UTP25: variants seen among roughly 807,000 people sequenced by gnomAD.
UTP25 encodes the protein UTP25 small subunit processome component.
A neutral mutation model predicts 78.9 loss-of-function variants in UTP25; 50 were observed. The ratio of observed to expected loss-of-function variants is 0.63; its 90% confidence interval spans 0.50 to 0.80. The LOEUF is 0.80. Among genes scored for constraint, UTP25 ranks in the 30% least tolerant of loss-of-function variants. The probability of loss-of-function intolerance (pLI) is 0.00; values close to 1 mark genes in which losing one functional copy is unlikely to be tolerated. For synonymous variants in UTP25, 329 were observed against 336.5 expected (o/e 0.98, Z 0.24); for missense variants, 846 against 911.3 (o/e 0.93, Z 0.92).
chr1:209,851,023 AAAG>A (rs2078234499), intron 11 of UTP25, among the ~76,000 whole-genome samples, 178 bp from the exon 12 acceptor site: 1 of 152,242 alleles, frequency 6.6e-6, no homozygotes, highest in East Asian at 1.9e-4. Context: ...GTTGTCATAA[AAAG>A]AATTCAAATA....
chr1:209,836,296 TCC>T (rs1348578491), intron 5 of UTP25, among the ~76,000 whole-genome samples: 2 of 152,208 alleles, frequency 1.3e-5, no homozygotes, highest in African/African-American at 4.8e-5. Flanking sequence ...TAAACTTGTA[TCC>T]CACAAAATAG....
Position 209,836,882 on chromosome 1 carries a change from A to T in UTP25, c.733A>T (p.Lys245Ter). The change falls in exon 6 of 12, where the codon AAG becomes TAG. Residue 245 changes from lysine (K) to a stop codon, truncating the protein, a stop_gained. Transcript: ENST00000491415. LOFTEE classifies it high-confidence loss of function. Reference protein sequence around the residue: ...TFKPPKDIDLKSLHLQKPLES... With the variant: ...TFKPPKDIDL ...TAAACCCCCAAAGGATATTGACTTA[A>T]AGTCACTTCATCTCCAGAAGCCTCT... is the stretch of plus-strand genomic sequence containing the variant. 1 of 1,614,108 alleles carries T rather than the reference A, an allele frequency of 6.2e-7. No homozygotes were observed. The highest frequency in any genetic ancestry group is 8.5e-7 in the Non-Finnish European group (1 of 1,180,016).
At chr1:209,846,508 G>A (rs2078197510) in intron 11 of UTP25, among the ~76,000 whole-genome samples, 1 of 152,176 alleles carries the variant, frequency 6.6e-6, no homozygotes. Context: ...CCCTACAGGA[G>A]AATCCCAGTT....
chr1:209,841,184 C>A, intron 8 of UTP25, 129 bp downstream of exon 8: 1 of 927,894 alleles, frequency 1.1e-6, no homozygotes, highest in Non-Finnish European at 1.6e-6. Flanking sequence ...AGGACACACA[C>A]TCCACATTTT....
Position 209,851,426 on chromosome 1 carries a change from C to A in UTP25, c.2250C>A (p.Leu750=), listed in dbSNP as rs762645168. 1.9e-6 allele frequency: 3 copies of A among 1,605,916 alleles called. No individual in the cohort carries two copies. In the African/African-American group the frequency reaches 4.0e-5, roughly 22 times the overall value. The change falls in exon 12 of 12, where the codon CTC becomes CTA. Residue 750 remains leucine (L), a synonymous_variant. Coordinates refer to ENST00000491415, the MANE Select transcript of UTP25 (RefSeq NM_014388.7). ...QMLQSNKNVH[L]FITGEK ...TACAGTCCAACAAGAATGTCCACCT[C>A]TTCATTACTGGAGAAAAATGAAATT...
chr1:209,828,133 C>A lies in UTP25; in HGVS notation c.70C>A (p.Leu24Ile). 6.2e-7 allele frequency: 1 copy of A among 1,614,156 alleles called. No homozygotes were observed. The highest frequency in any genetic ancestry group is 8.5e-7 in the Non-Finnish European group (1 of 1,180,014). The change falls in exon 1 of 12, where the codon CTT (leucine) becomes ATT (isoleucine). Residue 24 changes from leucine (L) to isoleucine (I), a missense_variant. Transcript: ENST00000491415. ...NTLTKKQKKH[L>I]RDFGEEHPFY... ...CCTAACTAAAAAGCAGAAGAAACAT[C>A]TTCGAGATTTCGGCGAGGAGCATCC...
chr1:209,828,068 G>T lies in UTP25; in HGVS notation c.5G>T (p.Gly2Val). Reference protein sequence around the residue: MGKRGSRSQSQL... With the variant: MVKRGSRSQSQL... Reference sequence around the variant, plus strand: ...GGCAAACTTGACGTTTTCGCTATGGGCAAACGCGGGAGCCGGAGCCAGAGC... The same window carrying T: ...GGCAAACTTGACGTTTTCGCTATGGTCAAACGCGGGAGCCGGAGCCAGAGC... The change falls in exon 1 of 12, where the codon GGC (glycine) becomes GTC (valine). Residue 2 changes from glycine to valine, a missense_variant. Transcript: ENST00000491415. 6.2e-7 allele frequency: 1 copy of T among 1,613,918 alleles called. No individual in the cohort carries two copies. The highest frequency in any genetic ancestry group is 8.5e-7 in the Non-Finnish European group (1 of 1,179,812).
intron 11 of UTP25, 195 bp downstream of exon 11, chr1:209,843,891 C>G (rs1041143696): frequency 1.4e-6 from 1 of 691,012 alleles, no homozygotes; most frequent in Non-Finnish European, 2.4e-6. Flanking sequence ...CCAAAATGGG[C>G]ATTGCTGAAG....
At position 209,842,638 on chromosome 1, in the gene UTP25, T is replaced by TC. The variant is rs1195653196; in HGVS notation, c.1727dup (p.His577ThrfsTer9). The stretch of plus-strand genomic sequence containing the variant: ...TCTATCAGTCATGTCCTGGTGCAGC[T>TC]CCCACATGTCTTCCAGAGGATGGAA... On this transcript the variant is annotated frameshift_variant, in exon 10 of 12. Coordinates refer to ENST00000491415, the MANE Select transcript of UTP25 (RefSeq NM_014388.7). LOFTEE classifies it high-confidence loss of function. The TC allele has an allele frequency of 6.2e-7, 1 of 1,613,736 alleles. No homozygotes were observed. Among genetic ancestry groups the TC allele is most frequent in the Admixed American group, 1.7e-5 (1 of 59,956 alleles).
rs1240789006 is a variant in UTP25, at chr1:209,833,295, A to G, written c.499A>G (p.Ser167Gly). 6 of 1,599,274 alleles carry G rather than the reference A, an allele frequency of 3.8e-6. No homozygotes were observed. In the South Asian group the frequency reaches 6.8e-5, roughly 18 times the overall value. ...FTDAKHESLF[S>G]LETNFLEEES... ...AGATGCAAAACACGAGTCACTGTTC[A>G]GCCTGGAAACCAATTTTCTGGAAGA... The change falls in exon 4 of 12, where the codon AGC becomes GGC. Residue 167 changes from serine to glycine, a missense_variant. Ser to Gly is a moderately conservative substitution (Grantham distance 56). Coordinates refer to ENST00000491415, the MANE Select transcript of UTP25 (RefSeq NM_014388.7).
chr1:209,842,540 AG>A, intron 9 of UTP25, 42 bp from the exon 10 acceptor site: 5 of 1,611,594 alleles, frequency 3.1e-6, no homozygotes, highest in Non-Finnish European at 3.4e-6. Flanking sequence ...CTGGTCAAGA[AG>A]GGGATGGCTG....
intron 8 of UTP25, 44 bp downstream of exon 8, chr1:209,841,099 A>T (rs2078164963): frequency 8.7e-6 from 14 of 1,601,126 alleles, no homozygotes; most frequent in Non-Finnish European, 8.6e-6. Flanking sequence ...ATTCATATTT[A>T]GAGGGATAAG....
chr1:209,837,210 A>T lies in UTP25; in HGVS notation c.1061A>T (p.Lys354Met), dbSNP rs1373715605. The T allele has an allele frequency of 6.2e-7, 1 of 1,612,148 alleles. No homozygotes were observed. The highest frequency in any genetic ancestry group is 8.5e-7 in the Non-Finnish European group (1 of 1,178,754). Residue 354 changes from lysine to methionine, a missense_variant and splice_region_variant, in exon 6 of 12, where the codon AAG (lysine) becomes ATG (methionine). Coordinates refer to ENST00000491415, the MANE Select transcript of UTP25 (RefSeq NM_014388.7). ...AGAGACCAAGGGTTAACAAGGCCCA[A>T]GGTGAGTCCAGCAGGAAAGCTTTGC... is the stretch of plus-strand genomic sequence containing the variant. Reference protein sequence around the residue: ...DFRDQGLTRPKVLIVVPFREA... With the variant: ...DFRDQGLTRPMVLIVVPFREA...
At position 209,855,033 on chromosome 1, in the gene UTP25, A is replaced by C. The variant is rs1009384270; in HGVS notation, c.*3586A>C. ...CTACATAGAATTCTAAACAGATTTC[A>C]GTCAACTTTTAATTAGAGTCAATGA... On this transcript the variant is annotated 3_prime_UTR_variant, in exon 12 of 12. Transcript: ENST00000491415. 1 of 152,242 alleles carries C rather than the reference A, an allele frequency of 6.6e-6. No individual in the cohort carries two copies. Among genetic ancestry groups the C allele is most frequent in the Non-Finnish European group, 1.5e-5 (1 of 68,044 alleles). 9.4% of individuals were successfully genotyped at this position (152,242 alleles called of 1,614,324 possible).
At position 209,842,329 on chromosome 1, in the gene UTP25, G is replaced by A. The variant is rs752613106; in HGVS notation, c.1550G>A (p.Arg517Gln). ...DSHGVDFSRV[R>Q]MWSLNNWSKY... ...CATGGGGTAGACTTTTCTCGAGTGC[G>A]GATGTGGAGCCTCAATAATTGGTCC... Residue 517 changes from arginine (R) to glutamine (Q), a missense_variant, in exon 9 of 12, where the codon CGG becomes CAG. Physicochemically the swap from Arg to Gln is conservative, Grantham distance 43. Coordinates refer to ENST00000491415, the MANE Select transcript of UTP25 (RefSeq NM_014388.7). 1.1e-5 allele frequency: 18 copies of A among 1,614,072 alleles called. No homozygotes were observed. The highest frequency in any genetic ancestry group is 3.3e-5 in the Admixed American group (2 of 60,018).
chr1:209,851,536 A>G lies in UTP25; in HGVS notation c.*89A>G, dbSNP rs1175425188. The G allele has an allele frequency of 2.7e-6, 4 of 1,464,054 alleles. No individual in the cohort carries two copies. Among genetic ancestry groups the G allele is most frequent in the East Asian group, 2.3e-5 (1 of 43,334 alleles). 90.7% of individuals were successfully genotyped at this position (1,464,054 alleles called of 1,614,324 possible). On this transcript the variant is annotated 3_prime_UTR_variant, in exon 12 of 12. Coordinates refer to ENST00000491415, the MANE Select transcript of UTP25 (RefSeq NM_014388.7). ...ACCCAATTCTGATTACTTACAGAAG[A>G]AGGACTGATACAAAGAAAGTGCATG...
At chr1:209,843,858 T>C in intron 11 of UTP25, 162 bp downstream of exon 11, 1 of 970,492 alleles carries the variant, frequency 1.0e-6, no homozygotes, top group East Asian at 2.6e-5. Context: ...CAGACTCTTC[T>C]TGGTTGGTTA....
At chr1:209,834,997 A>T in intron 4 of UTP25, 78 bp from the exon 5 acceptor site, 1 of 1,121,350 alleles carries the variant, frequency 8.9e-7, no homozygotes, top group Non-Finnish European at 1.3e-6. Flanking sequence ...ATGAAGATCA[A>T]CATGTCTTTC....
intron 3 of UTP25, among the ~76,000 whole-genome samples, chr1:209,832,600 T>A (rs1157165015): frequency 6.6e-6 from 1 of 152,172 alleles, no homozygotes; most frequent in Admixed American, 6.5e-5. Context: ...TGTGTGTATA[T>A]GAGAAAGAGA....
Sources: gnomAD v4.1 joint callset for allele counts (sites outside exome capture counted in the v4.1 genomes callset) on GRCh38, gnomAD v4.1.1 for gene constraint, MANE v1.5 for transcripts, NCBI Gene and HGNC (gene_info 2026-07-23, HGNC 2026-07-21) for gene names.